Variants in ATP12A observed in about 807,000 individuals in gnomAD.
The protein encoded by ATP12A is ATPase H+/K+ transporting non-gastric alpha2 subunit.
ATP12A carries 81 observed loss-of-function variants against 111.2 expected under a neutral mutation model. The observed-to-expected ratio is 0.73, with a 90% CI of 0.61 to 0.88. The LOEUF (loss-of-function observed/expected upper bound fraction) is 0.88. Ranked by LOEUF, ATP12A falls within the 40% of genes least tolerant of loss-of-function variation. The pLI is 0.00. For missense variants in ATP12A, 1,196 were observed against 1,313.1 expected, an observed-to-expected ratio of 0.91 and a Z score of 1.38; for synonymous variants, 498 against 499.8, an observed-to-expected ratio of 1.00 and a Z score of 0.05.
chr13:24,696,007 T>C (rs1327433803), intron 11 of ATP12A, among the ~76,000 whole-genome samples: 1 of 152,038 alleles, frequency 6.6e-6, no homozygotes, highest in Non-Finnish European at 1.5e-5. Context: ...AAACATATGA[T>C]GTAAAATACT....
In ATP12A at chr13:24,698,701, T is replaced by A; in HGVS notation, c.1556T>A (p.Leu519His). 1 of 1,613,952 alleles carries A rather than the reference T, an allele frequency of 6.2e-7. No individual in the cohort carries two copies. Among genetic ancestry groups the A allele is most frequent in the Non-Finnish European group, 8.5e-7 (1 of 1,180,004 alleles). ...GATGACCCCCACGGCAAGCGCTTCC[T>A]CATGGTGATGAAGGGGGCCCCTGAG... Reference protein sequence around the residue: ...EMDDPHGKRFLMVMKGAPERI... With the variant: ...EMDDPHGKRFHMVMKGAPERI... Residue 519 changes from leucine (L) to histidine (H), a missense_variant, in exon 12 of 23, where the codon CTC (leucine) becomes CAC (histidine). This residue lies in a region of ATP12A where 1,126 missense variants were observed against 1,228.5 expected (regional missense o/e 0.92). Transcript: ENST00000381946.
At chr13:24,696,714 G>A (rs1875172318) in intron 11 of ATP12A, among the ~76,000 whole-genome samples, 1 of 34,234 alleles carries the variant, frequency 2.9e-5, no homozygotes, top group African/African-American at 9.1e-5. Context: ...GCGAGACTCC[G>A]TCTCAAAAAA....
chr13:24,711,974 G>C lies in ATP12A; in HGVS notation c.*452G>C, dbSNP rs1875994644. The stretch of plus-strand genomic sequence containing the variant: ...GAAGGTATGTTTTCATGGTCTCCTT[G>C]CTCGAAAAAGGCCAACTCACCCGAG... On this transcript the variant is annotated 3_prime_UTR_variant, in exon 23 of 23. Transcript: ENST00000381946. The C allele has an allele frequency of 5.3e-6, 1 of 188,444 alleles. No individual in the cohort carries two copies. Among genetic ancestry groups the C allele is most frequent in the African/African-American group, 2.4e-5 (1 of 42,158 alleles). 11.7% of individuals were successfully genotyped at this position (188,444 alleles called of 1,614,324 possible). A position where few individuals can be genotyped will look rare whatever the true frequency, so the allele number is the denominator to read the frequency against.
intron 12 of ATP12A, among the ~76,000 whole-genome samples, chr13:24,700,445 C>G (rs1875343178): frequency 6.6e-6 from 1 of 152,174 alleles, no homozygotes; most frequent in African/African-American, 2.4e-5. Context: ...TGCTTGATCC[C>G]TTTAACTCTG....
rs375381029 is a variant in ATP12A, at chr13:24,694,583, G to T, written c.1512+5G>T. ...AACTCTACTAATAAATTTCAGGTGA[G>T]TTTTTCCTCACAACCGGTAATCTCT... On this transcript the variant is annotated splice_donor_5th_base_variant and intron_variant, in intron 11 of 22. Coordinates refer to ENST00000381946, the MANE Select transcript of ATP12A (RefSeq NM_001676.7). 2.1e-5 allele frequency: 34 copies of T among 1,612,268 alleles called. No homozygotes were observed. Among genetic ancestry groups the T allele is most frequent in the Admixed American group, 3.3e-5 (2 of 59,940 alleles).
chr13:24,690,674 C>G lies in ATP12A; in HGVS notation c.752C>G (p.Pro251Arg), dbSNP rs917164796. 6.2e-7 allele frequency: 1 copy of G among 1,613,856 alleles called. No homozygotes were observed. The highest frequency in any genetic ancestry group is 2.2e-5 in the East Asian group (1 of 44,886). The change falls in exon 7 of 23, where the codon CCC (proline) becomes CGC (arginine). Residue 251 changes from proline to arginine, a missense_variant. Pro to Arg is a moderately radical substitution (Grantham distance 103). Coordinates refer to ENST00000381946, the MANE Select transcript of ATP12A (RefSeq NM_001676.7). ...PRSSEFTHEN[P>R]LETKNICFYS... Reference sequence around the variant, plus strand: ...TCCTCTGAGTTTACCCATGAAAACCCCCTGGAAACAAAGAACATCTGCTTC... The same window carrying G: ...TCCTCTGAGTTTACCCATGAAAACCGCCTGGAAACAAAGAACATCTGCTTC...
At chr13:24,703,620 T>C (rs1002518818) in intron 14 of ATP12A, 2 of 152,356 alleles carry the variant, frequency 1.3e-5, no homozygotes, top group East Asian at 3.9e-4. Flanking sequence ...TGTAACTGAC[T>C]GTGAACAATC....
intron 10 of ATP12A, among the ~76,000 whole-genome samples, chr13:24,693,506 T>C (rs1196859907): frequency 6.6e-6 from 1 of 152,224 alleles, no homozygotes; most frequent in Non-Finnish European, 1.5e-5. Flanking sequence ...AGCTCATGAA[T>C]GCTCTTTTTG....
In ATP12A at chr13:24,690,350, A is replaced by C. The variant is rs766326144; in HGVS notation, c.559A>C (p.Ile187Leu). The change falls in exon 6 of 23, where the codon ATC becomes CTC. Residue 187 changes from isoleucine to leucine, a missense_variant. Transcript: ENST00000381946. ...TTTTTTTCTGCAGCAAGCTCTCGTCATCCGAGATTCCGAGAAGAAGACCAT... is the reference window on the plus strand; with the variant it reads ...TTTTTTTCTGCAGCAAGCTCTCGTCCTCCGAGATTCCGAGAAGAAGACCAT... ...NKMIPQQALVIRDSEKKTIPS... is the reference protein window; with the variant it reads ...NKMIPQQALVLRDSEKKTIPS... 1 of 1,613,174 alleles carries C rather than the reference A, an allele frequency of 6.2e-7. No homozygotes were observed.
intron 5 of ATP12A, 88 bp from the exon 6 acceptor site, chr13:24,690,250 C>G: frequency 6.4e-7 from 1 of 1,553,096 alleles, no homozygotes; most frequent in Non-Finnish European, 8.7e-7. Flanking sequence ...TCCAAGGCCT[C>G]TGTCCTGGGG....
chr13:24,692,303 C>T (rs1461315630), intron 8 of ATP12A, 126 bp from the exon 9 acceptor site: 7 of 1,017,086 alleles, frequency 6.9e-6, no homozygotes, highest in Non-Finnish European at 8.6e-6. Flanking sequence ...ACAACCACAC[C>T]TCTCCCCTAA....
chr13:24,682,301 A>G (rs1259563056), intron 2 of ATP12A, among the ~76,000 whole-genome samples: 1 of 103,074 alleles, frequency 9.7e-6, no homozygotes. Flanking sequence ...TGGTGTGTGT[A>G]TGTGCATGGT....
Position 24,712,396 on chromosome 13 carries a change from G to T in ATP12A, c.*874G>T, listed in dbSNP as rs1219550799. The T allele has an allele frequency of 1.3e-5, 2 of 152,160 alleles. No homozygotes were observed. The highest frequency in any genetic ancestry group is 1.3e-4 in the Admixed American group (2 of 15,268). The allele number at this position is 152,160 out of a possible 1,614,324, so 9.4% of individuals were successfully genotyped here. On this transcript the variant is annotated 3_prime_UTR_variant, in exon 23 of 23. Transcript: ENST00000381946. ...TCATGTTTCATGTTTTAACTTAGGT[G>T]TATTCATGTGTGACACTTCCATGTT...
intron 14 of ATP12A, chr13:24,703,718 T>A (rs1184709544): frequency 6.6e-6 from 1 of 152,222 alleles, no homozygotes; most frequent in Non-Finnish European, 1.5e-5. Context: ...CAGGCTGGAG[T>A]GCAATGGTGT....
chr13:24,689,186 G>A (rs559072084), intron 4 of ATP12A, 76 bp from the exon 5 acceptor site: 78 of 1,162,576 alleles, frequency 6.7e-5, no homozygotes, highest in South Asian at 1.7e-4. Flanking sequence ...GCATCCTCCC[G>A]TGGAGAGCTC....
intron 19 of ATP12A, 83 bp downstream of exon 19, chr13:24,709,911 T>A: frequency 6.4e-7 from 1 of 1,565,514 alleles, no homozygotes; most frequent in East Asian, 2.3e-5. Flanking sequence ...AGAACCTCCA[T>A]GTCCCTGAAC....
intron 11 of ATP12A, 29 bp from the exon 12 acceptor site, chr13:24,698,629 A>G: frequency 1.9e-6 from 3 of 1,604,628 alleles, no homozygotes; most frequent in Non-Finnish European, 2.6e-6. Flanking sequence ...CCTTTCTGTA[A>G]GTAACACGCT....
chr13:24,690,558 G>A, intron 6 of ATP12A, 46 bp from the exon 7 acceptor site: 1 of 1,602,888 alleles, frequency 6.2e-7, no homozygotes, highest in South Asian at 1.1e-5. Flanking sequence ...ATAAGAGGCA[G>A]GGAATGAGGT....
At position 24,688,197 on chromosome 13, in the gene ATP12A, T is replaced by G. The variant is rs927611508; in HGVS notation, c.229-122T>G. On this transcript the variant is annotated intron_variant, in intron 3 of 22. Coordinates refer to ENST00000381946, the MANE Select transcript of ATP12A (RefSeq NM_001676.7). ...GCACGGTCTGCTTTTCTCGGGACCTTCTTTGGCCACGTTAATGCCTCACCC... is the reference window on the plus strand; with the variant it reads ...GCACGGTCTGCTTTTCTCGGGACCTGCTTTGGCCACGTTAATGCCTCACCC... 6.9e-5 allele frequency: 77 copies of G among 1,116,726 alleles called. 1 individual carries two copies. The East Asian group carries it at 1.9e-3, about 27-fold the overall frequency. 69.2% of individuals were successfully genotyped at this position (1,116,726 alleles called of 1,614,324 possible).
Sources: allele counts gnomAD v4.1 joint callset (sites outside exome capture counted in the v4.1 genomes callset), GRCh38; gene constraint gnomAD v4.1.1; regional missense constraint gnomAD v4.1.1; transcripts MANE v1.5; gene names NCBI Gene and HGNC (gene_info 2026-07-23, HGNC 2026-07-21).